Variants in DLG2 observed in about 807,000 individuals in gnomAD.
DLG2 encodes the protein disks large homolog 2.
Under a neutral mutation model 132.5 loss-of-function variants are expected in DLG2, and 45 were observed. The observed-to-expected ratio is 0.34, with a 90% confidence interval of 0.27 to 0.44. The LOEUF (loss-of-function observed/expected upper bound fraction) is 0.44. DLG2 is among the 20% of genes least tolerant of loss of function. The pLI is 1.00. For synonymous variants in DLG2, 424 were observed against 419.6 expected, an observed-to-expected ratio of 1.01 and a Z score of -0.13; for missense variants, 1,045 against 1,196.9, an observed-to-expected ratio of 0.87 and a Z score of 1.87.
chr11:83,595,140 C>A lies in DLG2; in HGVS notation c.1940+38071G>T, dbSNP rs550711594. 9.7e-3 allele frequency among the ~76,000 whole-genome samples: 1,475 copies of A among 151,784 alleles called. 32 individuals are homozygous for A. Among genetic ancestry groups the A allele is most frequent in the African/African-American group, 0.034 (1,399 of 41,378 alleles). Reference sequence around the variant, plus strand: ...TAAATCTATTTATGGGAAAAAAAAACCACTTCTTTCTAGGCCCTTTGTTTC... The same window carrying A: ...TAAATCTATTTATGGGAAAAAAAAAACACTTCTTTCTAGGCCCTTTGTTTC... On this transcript the variant is annotated intron_variant, in intron 19 of 27. Coordinates refer to ENST00000376104, the MANE Select transcript of DLG2 (RefSeq NM_001142699.3).
In DLG2 at chr11:85,555,544, T is replaced by TC. The variant is rs2076895547; in HGVS notation, c.40+43112dup. Among the ~76,000 whole-genome samples, 2 of 151,926 alleles carry TC rather than the reference T, an allele frequency of 1.3e-5. 1 individual carries two copies. Among genetic ancestry groups the TC allele is most frequent in the South Asian group, 4.2e-4 (2 of 4,818 alleles). ...AATTTTCTAAGCATCTCTTGTTTTT[T>TC]CCCACCCACCTCCAAGTACGAGGAG... On this transcript the variant is annotated intron_variant, in intron 3 of 27. Transcript: ENST00000376104.
chr11:83,806,013 C>T (rs1368090098), intron 17 of DLG2, among the ~76,000 whole-genome samples: 1 of 152,118 alleles, frequency 6.6e-6, no homozygotes, highest in Non-Finnish European at 1.5e-5. Context: ...CTGCTAGAAG[C>T]TTCATGTCCA....
At chr11:83,477,581 T>A (rs1454382479) in intron 22 of DLG2, among the ~76,000 whole-genome samples, 1 of 152,110 alleles carries the variant, frequency 6.6e-6, no homozygotes, top group Non-Finnish European at 1.5e-5. Flanking sequence ...AATGGTGTAC[T>A]CCAGACTGTG....
At chr11:85,394,680 T>C (rs966371437) in intron 3 of DLG2, among the ~76,000 whole-genome samples, 1 of 152,172 alleles carries the variant, frequency 6.6e-6, no homozygotes, top group Admixed American at 6.6e-5. Flanking sequence ...GGCCCAGCCA[T>C]TCAAGAATAA....
chr11:85,117,922 G>A (rs1457977711), intron 5 of DLG2, among the ~76,000 whole-genome samples: 1 of 152,022 alleles, frequency 6.6e-6, no homozygotes, highest in Non-Finnish European at 1.5e-5. Flanking sequence ...AAGGACCACT[G>A]ACATTAAGCC....
At chr11:84,084,689 C>T (rs991988274) in intron 10 of DLG2, among the ~76,000 whole-genome samples, 17 of 152,134 alleles carry the variant, frequency 1.1e-4, no homozygotes, top group African/African-American at 4.1e-4. Context: ...CTGTACTTCT[C>T]AGTTTTAGTA....
intron 6 of DLG2, among the ~76,000 whole-genome samples, chr11:84,597,161 A>G (rs1290930470): frequency 6.6e-6 from 1 of 152,122 alleles, no homozygotes; most frequent in Non-Finnish European, 1.5e-5. Flanking sequence ...CAGAGGTTGC[A>G]GTAAGCCGAG....
chr11:85,231,020 A>G (rs2075273189), intron 4 of DLG2, among the ~76,000 whole-genome samples: 1 of 152,018 alleles, frequency 6.6e-6, no homozygotes, highest in Non-Finnish European at 1.5e-5. Flanking sequence ...TGAGAAATAA[A>G]TTGCTACTAT....
chr11:85,193,365 G>C (rs1207782059), intron 4 of DLG2, among the ~76,000 whole-genome samples: 3 of 152,154 alleles, frequency 2.0e-5, no homozygotes, highest in African/African-American at 7.2e-5. Context: ...GAATAATGCT[G>C]CTATGAACAT....
At chr11:85,189,000 C>T (rs1245743837) in intron 4 of DLG2, among the ~76,000 whole-genome samples, 1 of 151,762 alleles carries the variant, frequency 6.6e-6, no homozygotes, top group South Asian at 2.1e-4. Flanking sequence ...TGAACAAAAC[C>T]AGAATAGAAA....
rs1452745896 is a variant in DLG2 at position 85,186,346 on chromosome 11, T to A, written c.187-31695A>T. ...GAAGTATTTTACATTTCTTTTTTAG[T>A]ACTAAGTCTTTGAAATCTGTTGCAT... On this transcript the variant is annotated intron_variant, in intron 4 of 27. Transcript: ENST00000376104. Among the ~76,000 whole-genome samples, 4 of 152,112 alleles carry A rather than the reference T, an allele frequency of 2.6e-5. No individual in the cohort carries two copies. In the East Asian group the frequency reaches 7.7e-4, roughly 29 times the overall value.
At chr11:85,155,749 A>G (rs1366088389) in intron 4 of DLG2, among the ~76,000 whole-genome samples, 3 of 152,044 alleles carry the variant, frequency 2.0e-5, no homozygotes, top group Non-Finnish European at 2.9e-5. Flanking sequence ...ATGCGCCTGT[A>G]ATCCCAGCTA....
At chr11:85,401,440 A>G (rs1468502125) in intron 3 of DLG2, among the ~76,000 whole-genome samples, 1 of 151,944 alleles carries the variant, frequency 6.6e-6, no homozygotes, top group Non-Finnish European at 1.5e-5. Context: ...AGACAAGGAC[A>G]CCCTCTCTCA....
At chr11:84,805,960 C>A (rs759651830) in intron 6 of DLG2, among the ~76,000 whole-genome samples, 8 of 151,774 alleles carry the variant, frequency 5.3e-5, no homozygotes, top group Non-Finnish European at 1.0e-4. Flanking sequence ...AAAGTCTCTG[C>A]AAAGAAAGAA....
At chr11:83,814,545 A>G (rs1037353) in intron 17 of DLG2, 34,549 of 199,268 alleles carry the variant, frequency 0.17, 3,435 homozygotes, top group African/African-American at 0.28. Flanking sequence ...TTACCTGTGT[A>G]AGGTCTGCAA....
chr11:85,051,755 T>A (rs776751936), intron 6 of DLG2, among the ~76,000 whole-genome samples: 1 of 152,124 alleles, frequency 6.6e-6, no homozygotes, highest in African/African-American at 2.4e-5. Flanking sequence ...GTCTTTAAAA[T>A]AGAGTTAATT....
chr11:84,058,327 C>A (rs1445350446), intron 11 of DLG2, among the ~76,000 whole-genome samples: 2 of 151,632 alleles, frequency 1.3e-5, no homozygotes, highest in Non-Finnish European at 2.9e-5. Context: ...TTAATGTCAT[C>A]ATTCTGAAGA....
chr11:84,354,784 G>A (rs997243307), intron 7 of DLG2, among the ~76,000 whole-genome samples: 1 of 152,038 alleles, frequency 6.6e-6, no homozygotes, highest in Admixed American at 6.6e-5. Flanking sequence ...AGTCAAATGC[G>A]GTTTGACTAG....
At chr11:84,256,718 G>A (rs2097478086) in intron 7 of DLG2, among the ~76,000 whole-genome samples, 1 of 152,142 alleles carries the variant, frequency 6.6e-6, no homozygotes, top group Non-Finnish European at 1.5e-5. Context: ...GAGGGACACA[G>A]GCCCTATAAA....
Sources: allele counts gnomAD v4.1 joint callset (sites outside exome capture counted in the v4.1 genomes callset), GRCh38; gene constraint gnomAD v4.1.1; transcripts MANE v1.5; gene names NCBI Gene and HGNC (gene_info 2026-07-23, HGNC 2026-07-21).